The following ANKRD17 variants were observed in gnomAD, a reference collection of about 807,000 sequenced individuals.
ANKRD17 encodes the protein ankyrin repeat domain 17.
ANKRD17 carries 19 observed loss-of-function variants against 229.7 expected under a neutral mutation model. The ratio of observed to expected loss-of-function variants is 0.08; its 90% CI spans 0.06 to 0.12. ANKRD17 has a LOEUF of 0.12. Among genes scored for constraint, ANKRD17 ranks in the 10% least tolerant of loss-of-function variants. The pLI is 1.00. For missense variants in ANKRD17, 2,176 were observed against 3,176.8 expected (o/e 0.68, Z 7.57); for synonymous variants, 1,112 against 1,146.1 (o/e 0.97, Z 0.60).
chr4:73,165,618 C>A (rs1733128719), intron 2 of ANKRD17, among the ~76,000 whole-genome samples: 1 of 152,280 alleles, frequency 6.6e-6, no homozygotes, highest in African/African-American at 2.4e-5. Context: ...ACAGATTTTA[C>A]TCCCAAAATT....
chr4:73,257,832 C>T (rs1745594468), intron 1 of ANKRD17, among the ~76,000 whole-genome samples: 1 of 152,122 alleles, frequency 6.6e-6, no homozygotes. Flanking sequence ...CTCCACCTCA[C>T]AACTGGGAGA....
chr4:73,242,189 G>GA (rs1355628799), intron 1 of ANKRD17, among the ~76,000 whole-genome samples: 2 of 151,924 alleles, frequency 1.3e-5, no homozygotes, highest in African/African-American at 2.4e-5. Context: ...GGAAATGAGA[G>GA]AAAAAATAAT....
intron 1 of ANKRD17, among the ~76,000 whole-genome samples, chr4:73,217,312 C>T (rs546553826): frequency 1.3e-5 from 2 of 152,256 alleles, no homozygotes; most frequent in South Asian, 4.1e-4. Context: ...TTCTTCTTTA[C>T]AGGGATTAAC....
At chr4:73,184,147 C>A (rs980383139) in intron 1 of ANKRD17, among the ~76,000 whole-genome samples, 1 of 152,118 alleles carries the variant, frequency 6.6e-6, no homozygotes, top group African/African-American at 2.4e-5. Context: ...TCAAACTACT[C>A]CTCAAGTTAG....
intron 1 of ANKRD17, among the ~76,000 whole-genome samples, chr4:73,218,258 A>G (rs944303552): frequency 6.6e-6 from 1 of 152,246 alleles, no homozygotes; most frequent in Non-Finnish European, 1.5e-5. Flanking sequence ...TGCTGAAAAC[A>G]TGAGTTTCAA....
chr4:73,177,987 A>T (rs1408984794), intron 1 of ANKRD17, among the ~76,000 whole-genome samples: 1 of 152,170 alleles, frequency 6.6e-6, no homozygotes, highest in African/African-American at 2.4e-5. Context: ...AAATTAAGTA[A>T]CAAATATCAC....
intron 16 of ANKRD17, among the ~76,000 whole-genome samples, chr4:73,132,048 G>A (rs368361907): frequency 4.0e-5 from 6 of 151,288 alleles, no homozygotes; most frequent in Non-Finnish European, 5.9e-5. Flanking sequence ...TTGTTTGATT[G>A]AGTATAAAAG....
chr4:73,232,770 C>CTACA (rs1209674639), intron 1 of ANKRD17, among the ~76,000 whole-genome samples: 3 of 152,136 alleles, frequency 2.0e-5, no homozygotes, highest in Non-Finnish European at 4.4e-5. Flanking sequence ...CTTGCCCAGG[C>CTACA]TACAGTTCAG....
intron 29 of ANKRD17, among the ~76,000 whole-genome samples, chr4:73,088,121 A>T (rs895546885): frequency 6.6e-6 from 1 of 152,208 alleles, no homozygotes; most frequent in Non-Finnish European, 1.5e-5. Context: ...GACTTAAATA[A>T]CTTTTCAAAA....
In ANKRD17 at chr4:73,121,110, TG is replaced by T; in HGVS notation, c.3636-17del. The T allele has an allele frequency of 6.3e-7, 1 of 1,597,852 alleles. No individual in the cohort carries two copies. The highest frequency in any genetic ancestry group is 8.6e-7 in the Non-Finnish European group (1 of 1,165,632). ...GCTACCAGTTCTAGGGGTGCAGGTATGGGGAAAACAAATGGAAAAATATATA... is the reference window on the plus strand; with the variant it reads ...GCTACCAGTTCTAGGGGTGCAGGTATGGGAAAACAAATGGAAAAATATATA... On this transcript the variant is annotated splice_polypyrimidine_tract_variant and intron_variant, in intron 19 of 33. Transcript: ENST00000358602.
chr4:73,091,196 A>C lies in ANKRD17; in HGVS notation c.6432T>G (p.Ser2144=), dbSNP rs1329657132. Residue 2144 remains serine (S), a synonymous_variant, in exon 29 of 34, where the codon TCT becomes TCG. Transcript: ENST00000358602. ...CAGTAGAAGGCACCGCCACTGGAGC[A>C]GAACTTGTTGCTAAAGGAGGAACAG... The part of the protein sequence containing the change: ...RMTVPPLATS[S]APVAVPSTAP... The C allele has an allele frequency of 6.2e-7, 1 of 1,614,236 alleles. No homozygotes were observed. Among genetic ancestry groups the C allele is most frequent in the Non-Finnish European group, 8.5e-7 (1 of 1,180,050 alleles).
intron 2 of ANKRD17, among the ~76,000 whole-genome samples, chr4:73,168,265 C>T (rs978778889): frequency 6.6e-6 from 1 of 152,058 alleles, no homozygotes; most frequent in Non-Finnish European, 1.5e-5. Flanking sequence ...ACATGCATTG[C>T]ATGTATAATA....
intron 29 of ANKRD17, among the ~76,000 whole-genome samples, chr4:73,089,810 G>C (rs1206173250): frequency 1.3e-5 from 2 of 152,032 alleles, no homozygotes; most frequent in African/African-American, 4.8e-5. Flanking sequence ...AAATGTTCTA[G>C]ATCTTTGCTG....
intron 25 of ANKRD17, chr4:73,098,757 C>T: frequency 9.6e-7 from 1 of 1,045,584 alleles, no homozygotes; most frequent in Non-Finnish European, 1.5e-6. Context: ...ATTTCTGGTG[C>T]TGGCGTGGCT....
intron 6 of ANKRD17, among the ~76,000 whole-genome samples, chr4:73,153,053 C>A (rs1310718646): frequency 1.3e-5 from 2 of 152,196 alleles, no homozygotes; most frequent in African/African-American, 4.8e-5. Flanking sequence ...AACACCAGGG[C>A]CAGAACTAGG....
intron 1 of ANKRD17, among the ~76,000 whole-genome samples, chr4:73,211,565 G>A (rs1472440485): frequency 6.6e-6 from 1 of 151,930 alleles, no homozygotes; most frequent in Non-Finnish European, 1.5e-5. Context: ...TCTAATTGTC[G>A]GCCAGGTGTG....
At chr4:73,234,660 C>G (rs144112746) in intron 1 of ANKRD17, among the ~76,000 whole-genome samples, 3 of 152,222 alleles carry the variant, frequency 2.0e-5, no homozygotes, top group African/African-American at 4.8e-5. Context: ...TGGCTGGGAA[C>G]AGACAAAACT....
At chr4:73,209,458 A>G (rs1294542208) in intron 1 of ANKRD17, among the ~76,000 whole-genome samples, 1 of 152,216 alleles carries the variant, frequency 6.6e-6, no homozygotes, top group Admixed American at 6.5e-5. Context: ...TGACAGAAAA[A>G]AAATCTAAAC....
Position 73,258,693 on chromosome 4 carries a change from GA to G in ANKRD17, c.-26del. On this transcript the variant is annotated 5_prime_UTR_variant, in exon 1 of 34. Transcript: ENST00000358602. ...TCCCCAGGGAAAGAGGGAGGGCGCG[GA>G]CGGGGGAGGGGCGTGGGGCTACGCT... 1 of 1,441,218 alleles carries G rather than the reference GA, an allele frequency of 6.9e-7. No individual in the cohort carries two copies. The highest frequency in any genetic ancestry group is 1.4e-5 in the South Asian group (1 of 70,384). 89.3% of individuals were successfully genotyped at this position (1,441,218 alleles called of 1,614,324 possible).
Sources: gnomAD v4.1 joint callset for allele counts (sites outside exome capture counted in the v4.1 genomes callset) on GRCh38, gnomAD v4.1.1 for gene constraint, MANE v1.5 for transcripts, NCBI Gene and HGNC (gene_info 2026-07-23, HGNC 2026-07-21) for gene names.